Variants in VILL observed in about 807,000 individuals in gnomAD.
VILL encodes the protein villin like.
Under a neutral mutation model 106.3 loss-of-function variants are expected in VILL, and 102 were observed. The ratio of observed to expected loss-of-function variants is 0.96; its 90% CI spans 0.82 to 1.13. The LOEUF (loss-of-function observed/expected upper bound fraction) is 1.13, where lower values mean the gene tolerates loss of function less well. Ranked by LOEUF, VILL falls within the 50% of genes most tolerant of loss-of-function variation. The pLI is 0.00. For missense variants in VILL, 1,076 were observed against 1,116.6 expected (o/e 0.96, Z 0.52); for synonymous variants, 431 against 440.3 (o/e 0.98, Z 0.27).
chr3:37,997,030 C>A lies in VILL; in HGVS notation c.451-47C>A. 1.3e-6 allele frequency: 2 copies of A among 1,552,720 alleles called. No individual in the cohort carries two copies. The highest frequency in any genetic ancestry group is 1.8e-6 in the Non-Finnish European group (2 of 1,125,244). On this transcript the variant is annotated intron_variant, in intron 5 of 19. Coordinates refer to ENST00000383759, the MANE Select transcript of VILL (RefSeq NM_015873.4). The surrounding 1 kb of genome is among the most constrained non-coding windows in gnomAD (Gnocchi z 4.7). ...ACATCCCAGCTATGCTCCCCTCTAG[C>A]GGATGCTGGTGGTATGACACTCTGT...
Position 37,997,474 on chromosome 3 carries a change from C to A in VILL, c.562-9C>A. The stretch of plus-strand genomic sequence containing the variant: ...GGTGACACCCTGACTCCCAGGTCCT[C>A]TCCCGCAGGGGCTGGCTTTGACCTA... On this transcript the variant is annotated splice_polypyrimidine_tract_variant and intron_variant, in intron 6 of 19. Coordinates refer to ENST00000383759, the MANE Select transcript of VILL (RefSeq NM_015873.4). The surrounding 1 kb of genome is among the most constrained non-coding windows in gnomAD (Gnocchi z 4.7). 6.2e-7 allele frequency: 1 copy of A among 1,613,034 alleles called. No individual in the cohort carries two copies. The highest frequency in any genetic ancestry group is 8.5e-7 in the Non-Finnish European group (1 of 1,179,924).
At chr3:37,994,583 T>TACCC in intron 4 of VILL, 117 bp downstream of exon 4, 1 of 1,141,250 alleles carries the variant, frequency 8.8e-7, no homozygotes, top group Non-Finnish European at 1.2e-6. Context: ...AGGGGTTGGG[T>TACCC]AACACCTTTA....
chr3:38,003,869 G>A (rs139566574), intron 15 of VILL: 51 of 203,136 alleles, frequency 2.5e-4, no homozygotes, highest in African/African-American at 7.0e-4. Flanking sequence ...CAGTACTCCC[G>A]TCTCCTTCTC....
chr3:38,002,952 G>A lies in VILL; in HGVS notation c.1660-216G>A, dbSNP rs1699846310. 12 of 605,352 alleles carry A rather than the reference G, an allele frequency of 2.0e-5. No individual in the cohort carries two copies. The South Asian group carries it at 2.8e-4, about 14-fold the overall frequency. The allele number at this position is 605,352 out of a possible 1,614,324, so 37.5% of individuals were successfully genotyped here. ...CTGGGGGCCTCCTATCCCATGCTCT[G>A]GACCCTGCGAGGGTCCCAGACCCTG... On this transcript the variant is annotated intron_variant, in intron 14 of 19. Transcript: ENST00000383759.
chr3:37,997,987 C>T lies in VILL; in HGVS notation c.765-103C>T. On this transcript the variant is annotated intron_variant, in intron 7 of 19. Coordinates refer to ENST00000383759, the MANE Select transcript of VILL (RefSeq NM_015873.4). This position sits in a 1 kb window ranked among gnomAD's most constrained non-coding sequence, Gnocchi z 4.7. ...ACAACTCGGGGCCCCAGCCCCCATG[C>T]CTTCTGTCTCTGAGGGACTGGGGTG... 2 of 1,225,308 alleles carry T rather than the reference C, an allele frequency of 1.6e-6. No homozygotes were observed. The highest frequency in any genetic ancestry group is 2.3e-6 in the Non-Finnish European group (2 of 883,732). 75.9% of individuals were successfully genotyped at this position (1,225,308 alleles called of 1,614,324 possible). A position where few individuals can be genotyped will look rare whatever the true frequency, so the allele number is the denominator to read the frequency against.
In VILL at chr3:38,006,206, T is replaced by G. The variant is rs747257450; in HGVS notation, c.2159T>G (p.Val720Gly). The G allele has an allele frequency of 6.2e-7, 1 of 1,614,204 alleles. No individual in the cohort carries two copies. The highest frequency in any genetic ancestry group is 2.2e-5 in the East Asian group (1 of 44,882). The change falls in exon 18 of 20, where the codon GTG becomes GGG. Residue 720 changes from valine to glycine, a missense_variant. Coordinates refer to ENST00000383759, the MANE Select transcript of VILL (RefSeq NM_015873.4). ...WTSHPSHKEV[V>G]DGSPAAASTI... is the part of the protein sequence containing the mutation. ...AGCCACCCGTCCCACAAGGAAGTGG[T>G]GGATGGCAGCCCGGCAGCAGCATCA...
Position 38,004,262 on chromosome 3 carries a change from G to A in VILL, c.1813G>A (p.Glu605Lys). The A allele has an allele frequency of 5.0e-6, 8 of 1,611,124 alleles. No homozygotes were observed. Among genetic ancestry groups the A allele is most frequent in the East Asian group, 2.2e-5 (1 of 44,776 alleles). The change falls in exon 16 of 20, where the codon GAG becomes AAG. Residue 605 changes from glutamate to lysine, a missense_variant. Transcript: ENST00000383759. ...APYPSNKRLP[E>K]EVPSFQPRLF... ...GCTGTCCGTGCTGGCCAGGCTCCCT[G>A]AGGAGGTCCCCAGCTTCCAGCCACG...
chr3:37,992,064 T>A (rs1307907046), intron 1 of VILL, among the ~76,000 whole-genome samples: 1 of 152,116 alleles, frequency 6.6e-6, no homozygotes, highest in African/African-American at 2.4e-5. Flanking sequence ...GAGTCCCAAC[T>A]TTTTGGCTGC....
In VILL at chr3:38,003,129, C is replaced by T. The variant is rs1316782491; in HGVS notation, c.1660-39C>T. The T allele has an allele frequency of 3.7e-6, 6 of 1,606,970 alleles. No individual in the cohort carries two copies. The Admixed American group carries it at 6.8e-5, about 18-fold the overall frequency. ...GACGTGGGGCCGGAGGTGAAGGCCC[C>T]TCCTCATGCAGGGCCTGAGCCATCT... On this transcript the variant is annotated intron_variant, in intron 14 of 19. Coordinates refer to ENST00000383759, the MANE Select transcript of VILL (RefSeq NM_015873.4).
At chr3:38,006,126 T>C (rs1202434414) in intron 17 of VILL, 55 bp from the exon 18 acceptor site, 18 of 1,612,532 alleles carry the variant, frequency 1.1e-5, no homozygotes, top group Admixed American at 5.0e-5. Context: ...ATGTGTCCCA[T>C]TGGTGCCCCC....
chr3:38,004,524 C>T (rs1380201591), intron 16 of VILL, 125 bp downstream of exon 16: 1 of 1,288,004 alleles, frequency 7.8e-7, no homozygotes, highest in East Asian at 2.5e-5. Flanking sequence ...CTGACCCTGT[C>T]ACTGAGCAAT....
At chr3:38,000,618 G>C (rs1460266486) in intron 11 of VILL, among the ~76,000 whole-genome samples, 1 of 152,192 alleles carries the variant, frequency 6.6e-6, no homozygotes, top group Admixed American at 6.5e-5. Context: ...GTCAGGGACA[G>C]GATCCCTCCT....
In VILL at chr3:38,004,271, C is replaced by G. The variant is rs372812814; in HGVS notation, c.1822C>G (p.Pro608Ala). 4 of 1,612,144 alleles carry G rather than the reference C, an allele frequency of 2.5e-6. No homozygotes were observed. Among genetic ancestry groups the G allele is most frequent in the Non-Finnish European group, 3.4e-6 (4 of 1,178,452 alleles). The change falls in exon 16 of 20, where the codon CCC (proline) becomes GCC (alanine). Residue 608 changes from proline (P) to alanine (A), a missense_variant. Coordinates refer to ENST00000383759, the MANE Select transcript of VILL (RefSeq NM_015873.4). ...GCTGGCCAGGCTCCCTGAGGAGGTC[C>G]CCAGCTTCCAGCCACGACTGTTTGA... is the stretch of plus-strand genomic sequence containing the variant. Reference protein sequence around the residue: ...PSNKRLPEEVPSFQPRLFECS... With the variant: ...PSNKRLPEEVASFQPRLFECS...
rs1301643621 is a variant in VILL, at chr3:38,001,789, G to A, written c.1408G>A (p.Glu470Lys). The A allele has an allele frequency of 6.2e-7, 1 of 1,614,250 alleles. No homozygotes were observed. The highest frequency in any genetic ancestry group is 1.1e-5 in the South Asian group (1 of 91,088). Residue 470 changes from glutamate (E) to lysine (K), a missense_variant, in exon 13 of 20, where the codon GAG becomes AAG. Coordinates refer to ENST00000383759, the MANE Select transcript of VILL (RefSeq NM_015873.4). ...CATGTATGGTGGCGTCCTAGTACAG[G>A]AGCATGTGACCATGGGCAGCGAGCC... ...DVMYGGVLVQ[E>K]HVTMGSEPPH...
In VILL at chr3:37,997,953, G is replaced by A. The variant is rs910785964; in HGVS notation, c.765-137G>A. The A allele has an allele frequency of 2.5e-5, 22 of 892,824 alleles. No individual in the cohort carries two copies. Among genetic ancestry groups the A allele is most frequent in the Non-Finnish European group, 3.0e-5 (18 of 597,632 alleles). The allele number at this position is 892,824 out of a possible 1,614,324, so 55.3% of individuals were successfully genotyped here. ...GCTCCACAGCAAGGCTGCAGTAAAAGTGAAGACTACAACTCGGGGCCCCAG... is the reference window on the plus strand; with the variant it reads ...GCTCCACAGCAAGGCTGCAGTAAAAATGAAGACTACAACTCGGGGCCCCAG... On this transcript the variant is annotated intron_variant, in intron 7 of 19. Transcript: ENST00000383759. The surrounding 1 kb of genome is among the most constrained non-coding windows in gnomAD (Gnocchi z 4.7).
chr3:38,003,424 A>C, intron 15 of VILL, 111 bp downstream of exon 15: 1 of 1,344,008 alleles, frequency 7.4e-7, no homozygotes, highest in Non-Finnish European at 9.8e-7. Context: ...GACTAGAACC[A>C]AGGACTCTCA....
In VILL at chr3:37,993,628, T is replaced by C; in HGVS notation, c.-45T>C. ...GTGTCGGTCTCCAGCCTGAGAACTC[T>C]GGCTGTTGTTCCTTGTGTCGTCCCA... is the stretch of plus-strand genomic sequence containing the variant. On this transcript the variant is annotated 5_prime_UTR_variant, in exon 2 of 20. Transcript: ENST00000383759. 3.1e-6 allele frequency: 5 copies of C among 1,591,092 alleles called. No individual in the cohort carries two copies. Among genetic ancestry groups the C allele is most frequent in the Non-Finnish European group, 4.3e-6 (5 of 1,161,900 alleles).
intron 1 of VILL, chr3:37,993,301 G>C: frequency 3.7e-6 from 1 of 268,266 alleles, no homozygotes; most frequent in Non-Finnish European, 7.3e-6. Context: ...GTTCAGCTCT[G>C]TTTCAAGAAT....
intron 11 of VILL, 153 bp from the exon 12 acceptor site, chr3:38,001,303 G>T (rs1203841108): frequency 2.4e-5 from 28 of 1,158,142 alleles, no homozygotes; most frequent in Non-Finnish European, 3.0e-5. Flanking sequence ...CCAGCACAAG[G>T]CCCAGAATGG....
Sources: gnomAD v4.1 joint callset for allele counts (sites outside exome capture counted in the v4.1 genomes callset) on GRCh38, gnomAD v4.1.1 for gene constraint, Gnocchi (gnomAD v3.1) non-coding constraint, MANE v1.5 for transcripts, NCBI Gene and HGNC (gene_info 2026-07-23, HGNC 2026-07-21) for gene names.